The following MGST1 variants were observed in gnomAD, a reference collection of about 807,000 sequenced individuals.
MGST1 encodes the protein glutathione S-transferase 12.
In MGST1, 5 loss-of-function variants were observed where a neutral mutation model predicts 8.9. That is an observed-to-expected ratio of 0.56 (90% CI 0.29 to 1.19). The LOEUF (loss-of-function observed/expected upper bound fraction) is 1.19, where lower values mean the gene tolerates loss of function less well. Ranked by LOEUF, MGST1 falls within the 50% of genes most tolerant of loss-of-function variation. The probability of loss-of-function intolerance (pLI) is 0.08; values close to 1 mark genes in which losing one functional copy is unlikely to be tolerated. For synonymous variants in MGST1, 54 were observed against 67.8 expected (o/e 0.80, Z 1.00); for missense variants, 182 against 187.4 (o/e 0.97, Z 0.17).
chr12:16,536,696 G>C (rs1354008104), intron 4 of MGST1, among the ~76,000 whole-genome samples: 1 of 152,060 alleles, frequency 6.6e-6, no homozygotes, highest in Non-Finnish European at 1.5e-5. Flanking sequence ...CTTACATGGT[G>C]GTGGCAAGAG....
chr12:16,498,946 C>T (rs978749058), intron 4 of MGST1, among the ~76,000 whole-genome samples: 4 of 152,092 alleles, frequency 2.6e-5, no homozygotes, highest in South Asian at 2.1e-4. Flanking sequence ...TTGGGTTATA[C>T]TAAGATACAA....
intron 1 of MGST1, among the ~76,000 whole-genome samples, chr12:16,391,228 G>A (rs965528492): frequency 1.3e-5 from 2 of 151,156 alleles, no homozygotes; most frequent in African/African-American, 4.9e-5. Context: ...GTACCACGGT[G>A]GTTTGCTGCA....
downstream of MGST1, among the ~76,000 whole-genome samples, chr12:16,441,907 C>G (rs1941042616): frequency 6.6e-6 from 1 of 151,854 alleles, no homozygotes; most frequent in Admixed American, 6.6e-5. Flanking sequence ...AGCTGCCAAA[C>G]TGTCTTGCAA....
chr12:16,434,077 A>C (rs1187721244), intron 1 of MGST1, among the ~76,000 whole-genome samples: 3 of 152,126 alleles, frequency 2.0e-5, no homozygotes, highest in Non-Finnish European at 4.4e-5. Flanking sequence ...TGACTAATTA[A>C]GGACCTGCAC....
chr12:16,571,747 A>G (rs1332647062), intron 4 of MGST1, among the ~76,000 whole-genome samples: 1 of 152,062 alleles, frequency 6.6e-6, no homozygotes, highest in African/African-American at 2.4e-5. Context: ...ATGTAATTAT[A>G]AAATTCTGTG....
chr12:16,559,738 G>A lies in MGST1; in HGVS notation n.483-29790G>A, dbSNP rs767354636. On this transcript the variant is annotated intron_variant and non_coding_transcript_variant, in intron 4 of 4. Transcript: ENST00000538857. The surrounding 1 kb of genome is among the most constrained non-coding windows in gnomAD (Gnocchi z 4.1). ...GGTGGAGGTGGGAGGATTGCTTGAG[G>A]CCAGGAGTTTGAGACCAGCCTGGGT... Among the ~76,000 whole-genome samples, 60 of 151,532 alleles carry A rather than the reference G, an allele frequency of 4.0e-4. No individual in the cohort carries two copies. Among genetic ancestry groups the A allele is most frequent in the African/African-American group, 1.5e-3 (60 of 41,214 alleles).
chr12:16,461,351 TACTTA>T (rs759105638), intron 4 of MGST1, among the ~76,000 whole-genome samples: 11 of 152,164 alleles, frequency 7.2e-5, no homozygotes, highest in Non-Finnish European at 1.2e-4. Context: ...TATTCTATAT[TACTTA>T]ACTTCTAGAT....
At chr12:16,460,042 T>A (rs1941207011) in intron 4 of MGST1, among the ~76,000 whole-genome samples, 1 of 152,140 alleles carries the variant, frequency 6.6e-6, no homozygotes, top group Non-Finnish European at 1.5e-5. Context: ...CTCAGTGGTA[T>A]AAGAACAATA....
intron 4 of MGST1, among the ~76,000 whole-genome samples, chr12:16,507,089 C>T (rs186614849): frequency 6.6e-6 from 1 of 152,212 alleles, no homozygotes; most frequent in African/African-American, 2.4e-5. Context: ...GTCTACACAG[C>T]CTGGGAGAGT....
downstream of MGST1, among the ~76,000 whole-genome samples, chr12:16,365,574 G>A (rs924802980): frequency 3.3e-5 from 5 of 152,176 alleles, no homozygotes; most frequent in African/African-American, 4.8e-5. Context: ...TTCCATACAA[G>A]TTTCCTTTTA....
chr12:16,366,120 C>T (rs560556343), downstream of MGST1, among the ~76,000 whole-genome samples: 17 of 152,188 alleles, frequency 1.1e-4, no homozygotes, highest in African/African-American at 3.4e-4. The surrounding 1 kb of genome is among the most constrained non-coding windows in gnomAD (Gnocchi z 4.0). Context: ...ATTTGATATT[C>T]ATTAGTAGAC....
rs1244489611 is a variant in MGST1, at chr12:16,363,114, CTCTT to C, written c.222-677_222-674del. On this transcript the variant is annotated intron_variant, in intron 3 of 3. Transcript: ENST00000396210. The surrounding 1 kb of genome is among the most constrained non-coding windows in gnomAD (Gnocchi z 4.6). ...ATAAAGAAAACATTTAGGAAATTCT[CTCTT>C]TCTCTCTTTCACCTATCCTACTTTT... 1 of 152,162 alleles carries C rather than the reference CTCTT, an allele frequency of 6.6e-6. No individual in the cohort carries two copies. The highest frequency in any genetic ancestry group is 2.1e-4 in the South Asian group (1 of 4,828). The allele number at this position is 152,162 out of a possible 1,614,324, so 9.4% of individuals were successfully genotyped here.
chr12:16,437,137 C>T (rs940588536), intron 1 of MGST1, among the ~76,000 whole-genome samples: 1 of 151,772 alleles, frequency 6.6e-6, no homozygotes, highest in African/African-American at 2.4e-5. Flanking sequence ...CATATTAGTC[C>T]TGGGAATGTT....
chr12:16,581,589 A>G (rs1943160988), intron 4 of MGST1, among the ~76,000 whole-genome samples: 2 of 152,194 alleles, frequency 1.3e-5, no homozygotes. Context: ...TCTGAGTTTC[A>G]TTCTGTTGAC....
chr12:16,393,853 T>C (rs1940575026), intron 1 of MGST1, among the ~76,000 whole-genome samples: 1 of 152,226 alleles, frequency 6.6e-6, no homozygotes, highest in Admixed American at 6.5e-5. Context: ...CTGAATCAAA[T>C]GGTATAGTCT....
At chr12:16,545,787 C>A (rs1821226747) in intron 4 of MGST1, among the ~76,000 whole-genome samples, 1 of 152,084 alleles carries the variant, frequency 6.6e-6, no homozygotes, top group Admixed American at 6.6e-5. Context: ...AATATAATCA[C>A]TCTCATTCCC....
chr12:16,498,705 A>T (rs1367258894), intron 4 of MGST1, among the ~76,000 whole-genome samples: 1 of 152,212 alleles, frequency 6.6e-6, no homozygotes, highest in Non-Finnish European at 1.5e-5. Context: ...CCCGCTTTCC[A>T]TGATCAAATG....
rs144227603 is a variant in MGST1, at chr12:16,513,682, C to T, written n.483-75846C>T. ...GGACGAGGACTACCTCTCCATTGGG[C>T]GGCTGGCTGAATTTTGCAAGGCATC... On this transcript the variant is annotated intron_variant and non_coding_transcript_variant, in intron 4 of 4. Transcript: ENST00000538857. The surrounding 1 kb of genome is among the most constrained non-coding windows in gnomAD (Gnocchi z 4.2). 3.3e-4 allele frequency: 174 copies of T among 527,684 alleles called. No homozygotes were observed. In the East Asian group the frequency reaches 5.8e-3, roughly 18 times the overall value. 32.7% of individuals were successfully genotyped at this position (527,684 alleles called of 1,614,324 possible).
intron 4 of MGST1, among the ~76,000 whole-genome samples, chr12:16,530,244 A>C (rs1408571750): frequency 2.0e-5 from 3 of 152,172 alleles, no homozygotes; most frequent in Non-Finnish European, 4.4e-5. Flanking sequence ...TAATTGATTA[A>C]GTTTTTATCA....
Sources: allele counts gnomAD v4.1 joint callset (sites outside exome capture counted in the v4.1 genomes callset), GRCh38; gene constraint gnomAD v4.1.1; non-coding constraint Gnocchi (gnomAD v3.1); transcripts MANE v1.5; gene names NCBI Gene and HGNC (gene_info 2026-07-23, HGNC 2026-07-21).